Variants in SLCO5A1 observed in about 807,000 individuals in gnomAD.
The protein encoded by SLCO5A1 is solute carrier organic anion transporter family member 5A1, also known as organic anion transporter polypeptide-related protein 4.
SLCO5A1 carries 39 observed loss-of-function variants against 65.1 expected under a neutral mutation model. The observed-to-expected ratio is 0.60, with a 90% confidence interval of 0.46 to 0.78. SLCO5A1 has a LOEUF of 0.78. Ranked by LOEUF, SLCO5A1 falls within the 30% of genes least tolerant of loss-of-function variation. The probability of loss-of-function intolerance (pLI) is 0.00; values close to 1 mark genes in which losing one functional copy is unlikely to be tolerated. For synonymous variants in SLCO5A1, 438 were observed against 415.7 expected (o/e 1.05, Z -0.65); for missense variants, 1,029 against 1,069.4 (o/e 0.96, Z 0.53).
At chr8:69,736,700 A>G (rs1427237075) in intron 5 of SLCO5A1, among the ~76,000 whole-genome samples, 2 of 152,240 alleles carry the variant, frequency 1.3e-5, no homozygotes, top group African/African-American at 2.4e-5. Context: ...CCTGCAGTAA[A>G]GAATCCTACG....
intron 5 of SLCO5A1, chr8:69,719,689 C>T (rs757900874): frequency 7.9e-5 from 12 of 152,158 alleles, no homozygotes; most frequent in Non-Finnish European, 1.6e-4. Context: ...TCTGTAAACT[C>T]CTGTTCGTTT....
Position 69,672,853 on chromosome 8 carries a change from C to T in SLCO5A1, c.*16G>A. 1 of 1,579,320 alleles carries T rather than the reference C, an allele frequency of 6.3e-7. No individual in the cohort carries two copies. The highest frequency in any genetic ancestry group is 8.6e-7 in the Non-Finnish European group (1 of 1,163,824). On this transcript the variant is annotated 3_prime_UTR_variant, in exon 10 of 10. Coordinates refer to ENST00000260126, the MANE Select transcript of SLCO5A1 (RefSeq NM_030958.3). ...TCAATTCAACCAACAAAACTAAATT[C>T]TTCCATTTTCAAGCTTCAGGAGGGC...
chr8:69,771,564 T>C (rs137870950), intron 2 of SLCO5A1, among the ~76,000 whole-genome samples: 1 of 152,306 alleles, frequency 6.6e-6, no homozygotes, highest in African/African-American at 2.4e-5. Flanking sequence ...TCTTACATGA[T>C]CTTGTTTAAC....
rs1043681231 is a variant in SLCO5A1 at position 69,831,620 on chromosome 8, C to T, written c.907+147G>A. The T allele has an allele frequency of 2.7e-5, 24 of 878,842 alleles. No homozygotes were observed. The South Asian group carries it at 4.3e-4, about 16-fold the overall frequency. The allele number at this position is 878,842 out of a possible 1,614,324, so 54.4% of individuals were successfully genotyped here. A position where few individuals can be genotyped will look rare whatever the true frequency, so the allele number is the denominator to read the frequency against. On this transcript the variant is annotated intron_variant, in intron 2 of 9. Coordinates refer to ENST00000260126, the MANE Select transcript of SLCO5A1 (RefSeq NM_030958.3). ...GATTCTCTCCCAAACTGAAAACACA[C>T]TACAGCAAGGCTAAAACGTAAAATA...
At chr8:69,724,471 A>G (rs1330629021) in intron 5 of SLCO5A1, among the ~76,000 whole-genome samples, 1 of 152,210 alleles carries the variant, frequency 6.6e-6, no homozygotes, top group Non-Finnish European at 1.5e-5. Flanking sequence ...GACTTGAAAA[A>G]ATTAACTATT....
intron 2 of SLCO5A1, among the ~76,000 whole-genome samples, chr8:69,778,105 T>C (rs1818635977): frequency 6.6e-6 from 1 of 152,202 alleles, no homozygotes; most frequent in Admixed American, 6.5e-5. Flanking sequence ...TAGGTATGTA[T>C]ACGTATGAAA....
intron 5 of SLCO5A1, among the ~76,000 whole-genome samples, chr8:69,722,533 GAC>G (rs1180160610): frequency 4.6e-5 from 7 of 152,100 alleles, no homozygotes; most frequent in Admixed American, 3.9e-4. Context: ...ATACATGAAT[GAC>G]ACACCTTGTC....
intron 1 of SLCO5A1, among the ~76,000 whole-genome samples, chr8:69,834,388 A>G (rs999172126): frequency 3.2e-4 from 49 of 152,332 alleles, no homozygotes; most frequent in African/African-American, 1.1e-3. Flanking sequence ...GGAGAAAGGC[A>G]GAGAGGCTGG....
chr8:69,830,782 T>G (rs764367093), intron 2 of SLCO5A1, among the ~76,000 whole-genome samples: 1 of 152,164 alleles, frequency 6.6e-6, no homozygotes, highest in Non-Finnish European at 1.5e-5. Context: ...TGCTGACTTA[T>G]GCAAGTCAAC....
chr8:69,768,101 C>A (rs2130870615), intron 2 of SLCO5A1, among the ~76,000 whole-genome samples: 1 of 151,942 alleles, frequency 6.6e-6, no homozygotes, highest in African/African-American at 2.4e-5. Flanking sequence ...GGCATGGTGG[C>A]ACGCACCTGT....
intron 2 of SLCO5A1, among the ~76,000 whole-genome samples, chr8:69,780,893 T>C (rs537668231): frequency 5.9e-5 from 9 of 152,168 alleles, no homozygotes; most frequent in African/African-American, 2.2e-4. Flanking sequence ...TCTCAAAATA[T>C]TTTTGGAGCT....
At position 69,804,321 on chromosome 8, in the gene SLCO5A1, T is replaced by C. The variant is rs192309815; in HGVS notation, c.907+27446A>G. 1.1e-3 allele frequency among the ~76,000 whole-genome samples: 161 copies of C among 152,310 alleles called. 1 individual carries two copies. The highest frequency in any genetic ancestry group is 3.8e-3 in the African/African-American group (157 of 41,566). On this transcript the variant is annotated intron_variant, in intron 2 of 9. Coordinates refer to ENST00000260126, the MANE Select transcript of SLCO5A1 (RefSeq NM_030958.3). ...TTTCTTTTTTATTGTTTTTGTTTTTTTGTTTTTAGAAGGAGTCTCACTCAC... is the reference window on the plus strand; with the variant it reads ...TTTCTTTTTTATTGTTTTTGTTTTTCTGTTTTTAGAAGGAGTCTCACTCAC...
At position 69,669,150 on chromosome 8, in the gene SLCO5A1, G is replaced by C. The variant is rs1813262037; in HGVS notation, c.*3719C>G. 1.3e-5 allele frequency: 2 copies of C among 152,234 alleles called. No homozygotes were observed. The highest frequency in any genetic ancestry group is 1.3e-4 in the Admixed American group (2 of 15,302). The allele number at this position is 152,234 out of a possible 1,614,324, so 9.4% of individuals were successfully genotyped here. ...AAATATGAACTATAAATAAATATTT[G>C]AGGTATGTTATGACAAATAACTTTA... On this transcript the variant is annotated 3_prime_UTR_variant, in exon 10 of 10. Coordinates refer to ENST00000260126, the MANE Select transcript of SLCO5A1 (RefSeq NM_030958.3).
chr8:69,776,705 C>G (rs1459539370), intron 2 of SLCO5A1, among the ~76,000 whole-genome samples: 1 of 151,544 alleles, frequency 6.6e-6, no homozygotes, highest in East Asian at 1.9e-4. Flanking sequence ...AACAAACCAA[C>G]CAAAGAAAAA....
intron 6 of SLCO5A1, 103 bp downstream of exon 6, chr8:69,704,928 C>G: frequency 9.4e-7 from 1 of 1,063,394 alleles, no homozygotes; most frequent in Admixed American, 1.8e-5. Flanking sequence ...ACAGGGAGAA[C>G]AGCTTGGAGG....
chr8:69,787,981 A>G (rs191036684), intron 2 of SLCO5A1, among the ~76,000 whole-genome samples: 1 of 152,316 alleles, frequency 6.6e-6, no homozygotes, highest in Admixed American at 6.5e-5. Flanking sequence ...CAAACCCAAT[A>G]TTGTTATTAG....
chr8:69,695,352 C>T (rs1378584348), intron 6 of SLCO5A1, among the ~76,000 whole-genome samples: 2 of 151,994 alleles, frequency 1.3e-5, no homozygotes, highest in African/African-American at 2.4e-5. Flanking sequence ...GAAAATTAGC[C>T]GGGCATGTTG....
At chr8:69,715,130 G>A (rs1221434424) in intron 5 of SLCO5A1, among the ~76,000 whole-genome samples, 1 of 152,126 alleles carries the variant, frequency 6.6e-6, no homozygotes, top group Non-Finnish European at 1.5e-5. Context: ...CCCACAGAGG[G>A]CAAAAACCAC....
At chr8:69,696,913 T>C (rs939469266) in intron 6 of SLCO5A1, among the ~76,000 whole-genome samples, 2 of 151,366 alleles carry the variant, frequency 1.3e-5, no homozygotes, top group Non-Finnish European at 2.9e-5. Context: ...AAATAAAAAA[T>C]GTACATAAAG....
Sources: allele counts gnomAD v4.1 joint callset (sites outside exome capture counted in the v4.1 genomes callset), GRCh38; gene constraint gnomAD v4.1.1; transcripts MANE v1.5; gene names NCBI Gene and HGNC (gene_info 2026-07-23, HGNC 2026-07-21).